Variants in VCF1 observed in about 807,000 individuals in gnomAD.
VCF1 encodes VCP nuclear cofactor family member 1.
the VCF1 span, among the ~76,000 whole-genome samples, chr17:73,231,424 A>C: frequency 7.9e-5 from 12 of 152,290 alleles, no homozygotes; most frequent in East Asian, 2.1e-3. Flanking sequence ...TCCCGAGGCC[A>C]GGCTCCCTCG....
chr17:73,217,774 C>A, the VCF1 span, among the ~76,000 whole-genome samples: 8 of 152,138 alleles, frequency 5.3e-5, no homozygotes, highest in African/African-American at 1.9e-4. Context: ...GAGTTTGAGA[C>A]CAGCCTGGGC....
the VCF1 span, among the ~76,000 whole-genome samples, chr17:73,213,801 C>A: frequency 1.3e-5 from 2 of 152,116 alleles, no homozygotes; most frequent in South Asian, 4.1e-4. Context: ...GAAACCGCGT[C>A]TCTACTAAAA....
the VCF1 span, among the ~76,000 whole-genome samples, chr17:73,224,935 C>CAGGACAGG: frequency 2.7e-4 from 32 of 117,080 alleles, no homozygotes; most frequent in African/African-American, 1.0e-3. Context: ...GACAGGACAG[C>CAGGACAGG]ACAGCACAGC....
chr17:73,209,241 G>C, the VCF1 span: 499 of 501,454 alleles, frequency 1.0e-3, 3 homozygotes, highest in African/African-American at 8.4e-3. Flanking sequence ...GACATACTAT[G>C]GATTCAACAC....
At chr17:73,207,665 G>C in the VCF1 span, 1 of 1,295,388 alleles carries the variant, frequency 7.7e-7, no homozygotes, top group East Asian at 5.4e-5. Flanking sequence ...TTCCCCAAAA[G>C]TTTGACATTT....
At chr17:73,229,398 G>A in the VCF1 span, 2 of 985,266 alleles carry the variant, frequency 2.0e-6, no homozygotes, top group African/African-American at 3.5e-5. Context: ...CCACAGACCA[G>A]GTTATGATTT....
the VCF1 span, among the ~76,000 whole-genome samples, chr17:73,220,089 C>T: frequency 1.3e-5 from 2 of 152,048 alleles, no homozygotes; most frequent in African/African-American, 4.8e-5. Context: ...ATCAGTCTGT[C>T]TCTTAGAATG....
chr17:73,222,035 C>CAAAA, the VCF1 span, among the ~76,000 whole-genome samples: 2 of 80,876 alleles, frequency 2.5e-5, no homozygotes, highest in African/African-American at 5.5e-5. Context: ...GACTCTGTCT[C>CAAAA]AAAAAAAAAA....
chr17:73,208,572 C>T, the VCF1 span: 2 of 1,216,456 alleles, frequency 1.6e-6, no homozygotes, highest in Non-Finnish European at 2.4e-6. Context: ...GGAATGTGGC[C>T]CCCTAGTTAC....
chr17:73,217,067 T>C, the VCF1 span, among the ~76,000 whole-genome samples: 2 of 152,226 alleles, frequency 1.3e-5, no homozygotes, highest in Non-Finnish European at 2.9e-5. Flanking sequence ...CAGTGGCTCA[T>C]GCCTGTAATC....
the VCF1 span, among the ~76,000 whole-genome samples, chr17:73,215,699 A>G: frequency 6.6e-6 from 1 of 152,184 alleles, no homozygotes; most frequent in Non-Finnish European, 1.5e-5. Context: ...TACTATGTAC[A>G]AGGCGTTCCA....
At chr17:73,218,801 C>G in the VCF1 span, among the ~76,000 whole-genome samples, 410 of 152,100 alleles carry the variant, frequency 2.7e-3, 3 homozygotes, top group African/African-American at 9.5e-3. Flanking sequence ...GGGCGGATCA[C>G]GAGGTCAGGA....
the VCF1 span, chr17:73,207,665 G>GT: frequency 1.5e-6 from 2 of 1,295,388 alleles, no homozygotes; most frequent in South Asian, 2.5e-5. Flanking sequence ...TTCCCCAAAA[G>GT]TTTGACATTT....
the VCF1 span, chr17:73,232,140 G>A: frequency 3.1e-6 from 5 of 1,609,910 alleles, no homozygotes; most frequent in Non-Finnish European, 4.2e-6. Flanking sequence ...ACGCGGCGCC[G>A]CTCCGCGAAG....
chr17:73,222,355 T>C, the VCF1 span, among the ~76,000 whole-genome samples: 1 of 151,946 alleles, frequency 6.6e-6, no homozygotes, highest in Non-Finnish European at 1.5e-5. Flanking sequence ...CAAGACCACA[T>C]TTTTGTTTTT....
chr17:73,227,563 C>T, the VCF1 span: 13 of 922,724 alleles, frequency 1.4e-5, no homozygotes, highest in African/African-American at 1.8e-5. Context: ...AGGTTAATGA[C>T]TAAGCTTTCA....
chr17:73,212,817 A>G, the VCF1 span: 7 of 1,103,294 alleles, frequency 6.3e-6, no homozygotes, highest in African/African-American at 3.2e-5. Flanking sequence ...ATTTCGTACT[A>G]TAATAGCACA....
the VCF1 span, among the ~76,000 whole-genome samples, chr17:73,230,299 A>G: frequency 6.6e-6 from 1 of 152,214 alleles, no homozygotes; most frequent in Admixed American, 6.5e-5. Flanking sequence ...CTGTCAATCA[A>G]TCAGTCAATC....
At chr17:73,221,822 T>G in the VCF1 span, among the ~76,000 whole-genome samples, 2 of 151,672 alleles carry the variant, frequency 1.3e-5, no homozygotes, top group Non-Finnish European at 2.9e-5. Flanking sequence ...GATCATGAGA[T>G]CAAGAGATCG....
Sources: gnomAD v4.1 joint callset for allele counts (sites outside exome capture counted in the v4.1 genomes callset) on GRCh38, gnomAD v4.1.1 for gene constraint, MANE v1.5 for transcripts, NCBI Gene and HGNC (gene_info 2026-07-23, HGNC 2026-07-21) for gene names.